TRPM1: variants seen among roughly 807,000 people sequenced by gnomAD.
The protein encoded by TRPM1 is transient receptor potential cation channel subfamily M member 1.
In TRPM1, 113 loss-of-function variants were observed where a neutral mutation model predicts 149.4. The observed-to-expected ratio is 0.76, with a 90% CI of 0.65 to 0.88. TRPM1 has a LOEUF of 0.88. Ranked by LOEUF, TRPM1 falls within the 40% of genes least tolerant of loss-of-function variation. The pLI is 0.00. For missense variants in TRPM1, 1,976 were observed against 2,038.7 expected, an observed-to-expected ratio of 0.97 and a Z score of 0.59; for synonymous variants, 741 against 759.5, an observed-to-expected ratio of 0.98 and a Z score of 0.40.
chr15:31,018,798 T>C (rs1167585602), intron 27 of TRPM1, among the ~76,000 whole-genome samples: 3 of 152,250 alleles, frequency 2.0e-5, no homozygotes, highest in African/African-American at 7.2e-5. Flanking sequence ...CTGGGATTAC[T>C]GGCATGTGCC....
At chr15:31,017,410 A>G (rs983253237) in intron 27 of TRPM1, among the ~76,000 whole-genome samples, 2 of 152,222 alleles carry the variant, frequency 1.3e-5, no homozygotes, top group Middle Eastern at 3.2e-3. Flanking sequence ...AAAAAACAAA[A>G]GCTGTTTCTG....
chr15:31,063,927 A>G (rs1254278696), intron 7 of TRPM1, among the ~76,000 whole-genome samples: 1 of 151,888 alleles, frequency 6.6e-6, no homozygotes, highest in Non-Finnish European at 1.5e-5. Context: ...TCCTGGCTGG[A>G]AAAATATCCC....
intron 3 of TRPM1, among the ~76,000 whole-genome samples, chr15:31,076,305 A>G (rs1157312728): frequency 6.6e-6 from 1 of 152,156 alleles, no homozygotes; most frequent in Non-Finnish European, 1.5e-5. Context: ...TTCATATTGG[A>G]CGAATGTATG....
chr15:31,088,916 G>C (rs1567046194), intron 1 of TRPM1, among the ~76,000 whole-genome samples: 2 of 152,172 alleles, frequency 1.3e-5, no homozygotes, highest in South Asian at 4.1e-4. Flanking sequence ...CCAGAAGTCT[G>C]GTGGCAGAAT....
chr15:31,102,919 C>T (rs117123662), upstream of TRPM1, among the ~76,000 whole-genome samples: 10 of 152,270 alleles, frequency 6.6e-5, no homozygotes, highest in East Asian at 1.9e-3. Context: ...GGTGTTGGCT[C>T]CTGAGGCCTG....
upstream of TRPM1, among the ~76,000 whole-genome samples, chr15:31,105,990 T>G (rs2035601089): frequency 6.6e-6 from 1 of 152,242 alleles, no homozygotes; most frequent in Non-Finnish European, 1.5e-5. Context: ...TAGGAATTAG[T>G]TTTTAAATAT....
At chr15:31,090,023 T>C (rs1372529936) in intron 1 of TRPM1, among the ~76,000 whole-genome samples, 2 of 152,182 alleles carry the variant, frequency 1.3e-5, no homozygotes, top group Admixed American at 1.3e-4. Flanking sequence ...TAGTATGTGC[T>C]CAATGGAACA....
chr15:31,069,188 T>C (rs2034462306), intron 4 of TRPM1, among the ~76,000 whole-genome samples: 1 of 152,212 alleles, frequency 6.6e-6, no homozygotes, highest in Non-Finnish European at 1.5e-5. Flanking sequence ...AAAGCTGGCT[T>C]AGCTAGAACA....
chr15:31,101,527 T>A, intron 1 of TRPM1, 130 bp downstream of exon 1: 1 of 456,742 alleles, frequency 2.2e-6, no homozygotes, highest in Non-Finnish European at 2.9e-6. Context: ...CACCTGAGGT[T>A]ACCAACACCT....
At chr15:31,066,430 T>C (rs533801658) in intron 6 of TRPM1, among the ~76,000 whole-genome samples, 183 bp from the exon 7 acceptor site, 1 of 152,328 alleles carries the variant, frequency 6.6e-6, no homozygotes, top group South Asian at 2.1e-4. Context: ...AAGTTAATTG[T>C]TTTAGATAAT....
At chr15:31,076,048 A>G (rs2034678372) in intron 3 of TRPM1, among the ~76,000 whole-genome samples, 1 of 152,104 alleles carries the variant, frequency 6.6e-6, no homozygotes, top group Non-Finnish European at 1.5e-5. Context: ...TGCCATTGAA[A>G]TAAGAAGGGA....
upstream of TRPM1, among the ~76,000 whole-genome samples, chr15:31,105,519 T>C (rs997561903): frequency 6.6e-6 from 1 of 152,106 alleles, no homozygotes; most frequent in African/African-American, 2.4e-5. Flanking sequence ...TCATGATAAT[T>C]TTCAATTCAA....
At chr15:31,079,466 G>A (rs1005122006) in intron 2 of TRPM1, among the ~76,000 whole-genome samples, 4 of 152,336 alleles carry the variant, frequency 2.6e-5, no homozygotes, top group Admixed American at 2.0e-4. Flanking sequence ...CAGGGAAACC[G>A]CTCTCCAGGG....
In TRPM1 at chr15:31,066,074, A is replaced by G; in HGVS notation, c.790+2T>C. 1 of 1,613,860 alleles carries G rather than the reference A, an allele frequency of 6.2e-7. No homozygotes were observed. Among genetic ancestry groups the G allele is most frequent in the Non-Finnish European group, 8.5e-7 (1 of 1,179,770 alleles). On this transcript the variant is annotated splice_donor_variant, in intron 7 of 27. Coordinates refer to ENST00000256552, the MANE Select transcript of TRPM1 (RefSeq NM_001252024.2). LOFTEE classifies it high-confidence loss of function. ...GGACTGCGTGCCTTTGCCAGCACTT[A>G]CTTGTGTTGATCTTCTGCAGGGAGA... is the stretch of plus-strand genomic sequence containing the variant.
At chr15:31,031,366 C>T (rs1184751461) in intron 22 of TRPM1, 8 of 606,206 alleles carry the variant, frequency 1.3e-5, no homozygotes, top group Non-Finnish European at 2.3e-5. Context: ...TAGAACATTG[C>T]TATCTTCATC....
rs1299116721 is a variant in TRPM1 at position 31,028,344 on chromosome 15, A to G, written c.3281T>C (p.Ile1094Thr). The G allele has an allele frequency of 6.2e-7, 1 of 1,614,224 alleles. No individual in the cohort carries two copies. The highest frequency in any genetic ancestry group is 8.5e-7 in the Non-Finnish European group (1 of 1,180,030). Residue 1094 changes from isoleucine (I) to threonine (T), a missense_variant, in exon 25 of 28, where the codon ATT becomes ACT. Physicochemically the swap from Ile to Thr is moderately conservative, Grantham distance 89. Coordinates refer to ENST00000256552, the MANE Select transcript of TRPM1 (RefSeq NM_001252024.2). The part of the protein sequence containing the change: ...VANILLVNLL[I>T]AVFNNTFFEV... ...CTGTGACACGTACTTGAACACAGCA[A>G]TCAGCAGGTTCACCAGCAGGATGTT...
chr15:31,086,676 C>G (rs925680000), intron 1 of TRPM1, among the ~76,000 whole-genome samples: 1 of 152,174 alleles, frequency 6.6e-6, no homozygotes, highest in Admixed American at 6.5e-5. Context: ...CTAGGTGGAA[C>G]CTGGCCCAGA....
intron 1 of TRPM1, among the ~76,000 whole-genome samples, chr15:31,121,389 A>G (rs1362499165): frequency 6.6e-6 from 1 of 152,210 alleles, no homozygotes; most frequent in African/African-American, 2.4e-5. Context: ...AGAGAAAACT[A>G]AAGCTGATTC....
intron 1 of TRPM1, among the ~76,000 whole-genome samples, chr15:31,085,755 A>T (rs996571284): frequency 6.6e-6 from 1 of 152,144 alleles, no homozygotes; most frequent in African/African-American, 2.4e-5. Context: ...CAATTAGGAG[A>T]ACAAAACCAA....
Sources: allele counts gnomAD v4.1 joint callset (sites outside exome capture counted in the v4.1 genomes callset), GRCh38; gene constraint gnomAD v4.1.1; transcripts MANE v1.5; gene names NCBI Gene and HGNC (gene_info 2026-07-23, HGNC 2026-07-21).